SLC1A4: variants seen among roughly 807,000 people sequenced by gnomAD.
The protein encoded by SLC1A4 is solute carrier family 1 member 4, also known as neutral amino acid transporter A.
SLC1A4 carries 19 observed loss-of-function variants against 37.7 expected under a neutral mutation model. The observed-to-expected ratio is 0.50, with a 90% CI of 0.35 to 0.74. SLC1A4 has a LOEUF of 0.74. SLC1A4 is among the 30% of genes least tolerant of loss of function. The probability of loss-of-function intolerance (pLI) is 0.01; values close to 1 mark genes in which losing one functional copy is unlikely to be tolerated. For synonymous variants in SLC1A4, 299 were observed against 309.8 expected (o/e 0.97, Z 0.37); for missense variants, 570 against 712.9 (o/e 0.80, Z 2.28).
At position 65,016,526 on chromosome 2, in the gene SLC1A4, A is replaced by G. The variant is rs781754102; in HGVS notation, c.887A>G (p.Lys296Arg). Residue 296 changes from lysine to arginine, a missense_variant, in exon 5 of 8, where the codon AAA becomes AGA. Lys to Arg is a conservative substitution (Grantham distance 26). Coordinates refer to ENST00000234256, the MANE Select transcript of SLC1A4 (RefSeq NM_003038.5). The part of the protein sequence containing the change: ...DIIVLVTSLG[K>R]YIFASILGHV... ...ATCGTGCTGGTGACCAGCCTGGGGA[A>G]ATACATCTTCGCATCTATATTGGGC... is the stretch of plus-strand genomic sequence containing the variant. 1 of 1,614,208 alleles carries G rather than the reference A, an allele frequency of 6.2e-7. No homozygotes were observed. Among genetic ancestry groups the G allele is most frequent in the African/African-American group, 1.3e-5 (1 of 75,042 alleles).
intron 2 of SLC1A4, 142 bp from the exon 3 acceptor site, chr2:65,003,811 C>A: frequency 1.6e-6 from 1 of 626,648 alleles, no homozygotes; most frequent in Non-Finnish European, 2.9e-6. Context: ...AGGCTTTTGT[C>A]AGGCCAGCCA....
At chr2:65,003,876 C>T (rs1245608163) in intron 2 of SLC1A4, 77 bp from the exon 3 acceptor site, 29 of 1,041,770 alleles carry the variant, frequency 2.8e-5, no homozygotes, top group Non-Finnish European at 3.8e-5. Context: ...ACCAAGAGTG[C>T]AGCAGTGCCC....
At chr2:65,007,270 TTG>T (rs57019332) in intron 3 of SLC1A4, among the ~76,000 whole-genome samples, 3,517 of 149,450 alleles carry the variant, frequency 0.024, 46 homozygotes, top group Middle Eastern at 0.035. Context: ...AAGAGTGTGT[TTG>T]TGTGTGTGTG....
chr2:64,999,474 CA>C (rs1466653957), intron 1 of SLC1A4: 2 of 152,164 alleles, frequency 1.3e-5, no homozygotes, highest in Non-Finnish European at 2.9e-5. Flanking sequence ...CAAACTACTA[CA>C]CATTTAACAG....
intron 7 of SLC1A4, among the ~76,000 whole-genome samples, chr2:65,020,036 T>C (rs765106145): frequency 7.2e-5 from 11 of 152,224 alleles, no homozygotes; most frequent in Admixed American, 1.3e-4. Flanking sequence ...GACAGGGGAA[T>C]GGTATTGGCT....
intron 3 of SLC1A4, among the ~76,000 whole-genome samples, chr2:65,005,191 C>A (rs1213553621): frequency 6.6e-6 from 1 of 152,180 alleles, no homozygotes; most frequent in Non-Finnish European, 1.5e-5. Context: ...ATAGGATGCT[C>A]TGAGGCCTGG....
In SLC1A4 at chr2:65,018,465, T is replaced by C. The variant is rs551826530; in HGVS notation, c.1230-80T>C. The C allele has an allele frequency of 4.5e-6, 7 of 1,567,744 alleles. No individual in the cohort carries two copies. The highest frequency in any genetic ancestry group is 5.2e-6 in the Non-Finnish European group (6 of 1,153,962). On this transcript the variant is annotated intron_variant, in intron 6 of 7. Coordinates refer to ENST00000234256, the MANE Select transcript of SLC1A4 (RefSeq NM_003038.5). The surrounding 1 kb of genome is among the most constrained non-coding windows in gnomAD (Gnocchi z 4.3). The stretch of plus-strand genomic sequence containing the variant: ...GGGCGGTTTTTAGTTTCCAGCCACA[T>C]TGCAGCTGCATGGTCTGCATTTCTC...
At position 64,990,056 on chromosome 2, in the gene SLC1A4, T is replaced by C; in HGVS notation, c.413T>C (p.Ile138Thr). 1 of 1,607,884 alleles carries C rather than the reference T, an allele frequency of 6.2e-7. No individual in the cohort carries two copies. The highest frequency in any genetic ancestry group is 8.5e-7 in the Non-Finnish European group (1 of 1,177,390). ...ASALAVALAF[I>T]IKPGSGAQTL... ...GCGCTCGCCGTGGCCTTGGCGTTCA[T>C]CATCAAGCCAGGATCCGGTGCGCAG... Residue 138 changes from isoleucine to threonine, a missense_variant, in exon 1 of 8, where the codon ATC becomes ACC. Physicochemically the swap from Ile to Thr is moderately conservative, Grantham distance 89. Transcript: ENST00000234256.
At position 64,989,942 on chromosome 2, in the gene SLC1A4, CG is replaced by C; in HGVS notation, c.302del (p.Gly101AlafsTer26). Reference protein sequence around the residue: ...ILPLVVCSLVSGAASLDASCL... With the variant: ...ILPLVVCSLVXGAASLDASCL... ...CCGCTGGTGGTCTGCAGCCTGGTGT[CG>C]GGCGCCGCCTCGCTCGATGCCAGCT... On this transcript the variant is annotated frameshift_variant, in exon 1 of 8. Transcript: ENST00000234256. LOFTEE classifies it high-confidence loss of function. 1 of 1,568,320 alleles carries C rather than the reference CG, an allele frequency of 6.4e-7. No individual in the cohort carries two copies. The highest frequency in any genetic ancestry group is 8.6e-7 in the Non-Finnish European group (1 of 1,157,896).
chr2:65,018,821 A>G lies in SLC1A4; in HGVS notation c.1364+142A>G. The stretch of plus-strand genomic sequence containing the variant: ...GAGGCTACAGTGGAGCTAAAAGGGC[A>G]AGATTTAGAGCTAGGAAAAATTAAA... On this transcript the variant is annotated intron_variant, in intron 7 of 7. Transcript: ENST00000234256. This position sits in a 1 kb window ranked among gnomAD's most constrained non-coding sequence, Gnocchi z 4.3. 1 of 936,706 alleles carries G rather than the reference A, an allele frequency of 1.1e-6. No individual in the cohort carries two copies. Among genetic ancestry groups the G allele is most frequent in the Non-Finnish European group, 1.6e-6 (1 of 623,290 alleles). 58.0% of individuals were successfully genotyped at this position (936,706 alleles called of 1,614,324 possible).
chr2:64,990,753 G>A (rs1673018986), intron 1 of SLC1A4, among the ~76,000 whole-genome samples: 1 of 152,216 alleles, frequency 6.6e-6, no homozygotes, highest in Non-Finnish European at 1.5e-5. Flanking sequence ...TCTCCTGAGG[G>A]CTTGGGGCTT....
intron 4 of SLC1A4, among the ~76,000 whole-genome samples, chr2:65,013,150 A>G (rs1299151145): frequency 6.6e-6 from 1 of 152,200 alleles, no homozygotes; most frequent in Admixed American, 6.5e-5. Context: ...ACAATTCAAT[A>G]TGAGATTTGG....
intron 1 of SLC1A4, among the ~76,000 whole-genome samples, chr2:64,997,695 C>T (rs1673309986): frequency 6.6e-6 from 1 of 152,188 alleles, no homozygotes; most frequent in African/African-American, 2.4e-5. Flanking sequence ...TTTTCATAAT[C>T]TTTGTATCCC....
intron 1 of SLC1A4, chr2:64,999,968 C>T (rs1031625637): frequency 3.3e-5 from 5 of 152,126 alleles, no homozygotes; most frequent in Non-Finnish European, 7.3e-5. Flanking sequence ...ACCAGGAGGC[C>T]ATCTTAGACT....
chr2:65,012,291 G>A (rs978100095), intron 4 of SLC1A4, among the ~76,000 whole-genome samples: 17 of 151,198 alleles, frequency 1.1e-4, no homozygotes, highest in South Asian at 2.1e-4. Flanking sequence ...GGGTTTCACC[G>A]TGTTAGCCAC....
intron 7 of SLC1A4, among the ~76,000 whole-genome samples, chr2:65,019,112 T>A (rs1674306512): frequency 6.6e-6 from 1 of 152,166 alleles, no homozygotes; most frequent in African/African-American, 2.4e-5. Flanking sequence ...CATGCTGATG[T>A]GAGTGACTTG....
chr2:65,018,443 C>T lies in SLC1A4; in HGVS notation c.1230-102C>T, dbSNP rs1244019750. 19 of 1,507,168 alleles carry T rather than the reference C, an allele frequency of 1.3e-5. No homozygotes were observed. Among genetic ancestry groups the T allele is most frequent in the Middle Eastern group, 3.6e-4 (2 of 5,600 alleles). The allele number at this position is 1,507,168 out of a possible 1,614,324, so 93.4% of individuals were successfully genotyped here. On this transcript the variant is annotated intron_variant, in intron 6 of 7. Transcript: ENST00000234256. The surrounding 1 kb of genome is among the most constrained non-coding windows in gnomAD (Gnocchi z 4.3). ...GTAGCCAGCAGAGCCTATGGTGGGGCGGTTTTTAGTTTCCAGCCACATTGC... is the reference window on the plus strand; with the variant it reads ...GTAGCCAGCAGAGCCTATGGTGGGGTGGTTTTTAGTTTCCAGCCACATTGC...
rs1019767929 is a variant in SLC1A4, at chr2:65,018,348, G to A, written c.1229+83G>A. ...TGAAAAACCAATCTCACCACAACTT[G>A]GTGTCTCGCTCATAAAATGAGGACA... On this transcript the variant is annotated intron_variant, in intron 6 of 7. Transcript: ENST00000234256. The surrounding 1 kb of genome is among the most constrained non-coding windows in gnomAD (Gnocchi z 4.3). 1.4e-6 allele frequency: 2 copies of A among 1,465,562 alleles called. No individual in the cohort carries two copies. Among genetic ancestry groups the A allele is most frequent in the Middle Eastern group, 1.8e-4 (1 of 5,664 alleles). The allele number at this position is 1,465,562 out of a possible 1,614,324, so 90.8% of individuals were successfully genotyped here.
At chr2:65,005,449 C>T (rs1034700847) in intron 3 of SLC1A4, among the ~76,000 whole-genome samples, 1 of 152,214 alleles carries the variant, frequency 6.6e-6, no homozygotes. Flanking sequence ...GGCTGGACGT[C>T]CAACTGGGCC....
Sources: allele counts gnomAD v4.1 joint callset (sites outside exome capture counted in the v4.1 genomes callset), GRCh38; gene constraint gnomAD v4.1.1; non-coding constraint Gnocchi (gnomAD v3.1); transcripts MANE v1.5; gene names NCBI Gene and HGNC (gene_info 2026-07-23, HGNC 2026-07-21).